The following SIRT5 variants were observed in gnomAD, a reference collection of about 807,000 sequenced individuals.
SIRT5 encodes the protein NAD-dependent protein deacylase sirtuin-5, mitochondrial.
Under a neutral mutation model 40.0 loss-of-function variants are expected in SIRT5, and 26 were observed. The ratio of observed to expected loss-of-function variants is 0.65; its 90% CI spans 0.48 to 0.90. SIRT5 has a LOEUF of 0.90. Among genes scored for constraint, SIRT5 ranks in the 40% least tolerant of loss-of-function variants. The probability of loss-of-function intolerance (pLI) is 0.00; values close to 1 mark genes in which losing one functional copy is unlikely to be tolerated. For missense variants in SIRT5, 401 were observed against 402.4 expected (o/e 1.00, Z 0.03); for synonymous variants, 146 against 149.1 (o/e 0.98, Z 0.15).
chr6:13,585,192 G>A (rs75450659), intron 3 of SIRT5: 1 of 152,026 alleles, frequency 6.6e-6, no homozygotes. Flanking sequence ...ATGGCGTGTT[G>A]TGACCGTCTT....
intron 9 of SIRT5, chr6:13,604,453 C>T: frequency 7.1e-7 from 1 of 1,412,486 alleles, no homozygotes; most frequent in Non-Finnish European, 1.0e-6. Context: ...CAGTTTGGTT[C>T]TTCTAATGTG....
chr6:13,586,568 C>T (rs1044743823), intron 3 of SIRT5, among the ~76,000 whole-genome samples: 3 of 152,170 alleles, frequency 2.0e-5, no homozygotes, highest in Admixed American at 2.0e-4. Context: ...GGTGTTATTT[C>T]TGAGGCCTCT....
chr6:13,582,050 T>G (rs1193107428), intron 2 of SIRT5, among the ~76,000 whole-genome samples: 2 of 152,150 alleles, frequency 1.3e-5, no homozygotes, highest in Non-Finnish European at 2.9e-5. Flanking sequence ...GCACAAATCC[T>G]CTAATCAGTC....
intron 3 of SIRT5, among the ~76,000 whole-genome samples, chr6:13,584,523 G>T (rs1759800897): frequency 2.0e-5 from 3 of 151,994 alleles, no homozygotes; most frequent in Admixed American, 2.0e-4. Flanking sequence ...GCTAATTTTT[G>T]TATTTTTAAT....
At chr6:13,585,895 C>G (rs1760008514) in intron 3 of SIRT5, among the ~76,000 whole-genome samples, 1 of 152,220 alleles carries the variant, frequency 6.6e-6, no homozygotes, top group Admixed American at 6.5e-5. Flanking sequence ...CACATCCTGT[C>G]CAGCACCTGT....
chr6:13,584,333 G>A (rs1223625652), intron 3 of SIRT5, 108 bp downstream of exon 3: 8 of 813,686 alleles, frequency 9.8e-6, no homozygotes, highest in Non-Finnish European at 1.7e-5. Context: ...GCAAGGTTTT[G>A]GAGAAAGCCA....
At chr6:13,588,789 A>G (rs1240843834) in intron 4 of SIRT5, among the ~76,000 whole-genome samples, 2 of 152,258 alleles carry the variant, frequency 1.3e-5, no homozygotes, top group Non-Finnish European at 1.5e-5. Flanking sequence ...GAACTCAAGT[A>G]TGACACATAA....
At position 13,581,455 on chromosome 6, in the gene SIRT5, G is replaced by A. The variant is rs74996446; in HGVS notation, c.-36+1846G>A. Among the ~76,000 whole-genome samples, 300 of 152,316 alleles carry A rather than the reference G, an allele frequency of 2.0e-3. 10 individuals carry two copies. In the East Asian group the frequency reaches 0.05, roughly 25 times the overall value. ...TTGCCCTTCTCATTGCATCATATGA[G>A]GAGGTAGGTGGAGTCGCCATGTCTT... On this transcript the variant is annotated intron_variant, in intron 2 of 9. Coordinates refer to ENST00000606117, the MANE Select transcript of SIRT5 (RefSeq NM_012241.5).
At chr6:13,598,923 T>C (rs1761985523) in intron 7 of SIRT5, 109 bp from the exon 8 acceptor site, 13 of 1,296,428 alleles carry the variant, frequency 1.0e-5, no homozygotes, top group Non-Finnish European at 1.3e-5. Flanking sequence ...ATAAGAGGCA[T>C]CAGAGGTGAC....
At position 13,599,120 on chromosome 6, in the gene SIRT5, G is replaced by A. The variant is rs202074148; in HGVS notation, c.706G>A (p.Asp236Asn). Residue 236 changes from aspartate to asparagine, a missense_variant, in exon 8 of 10, where the codon GAC (aspartate) becomes AAC (asparagine). Coordinates refer to ENST00000606117, the MANE Select transcript of SIRT5 (RefSeq NM_012241.5). ...GGATCCTGCCATTCTGGAGGAGGTTGACAGAGAGCTCGCCCACTGTGATTT... is the reference window on the plus strand; with the variant it reads ...GGATCCTGCCATTCTGGAGGAGGTTAACAGAGAGCTCGCCCACTGTGATTT... ...NLDPAILEEV[D>N]RELAHCDLCL... The A allele has an allele frequency of 9.9e-6, 16 of 1,613,992 alleles. No homozygotes were observed. Among genetic ancestry groups the A allele is most frequent in the Non-Finnish European group, 1.3e-5 (15 of 1,179,992 alleles).
intron 6 of SIRT5, among the ~76,000 whole-genome samples, chr6:13,595,921 A>T (rs911800800): frequency 1.3e-5 from 2 of 152,140 alleles, no homozygotes; most frequent in Non-Finnish European, 1.5e-5. Context: ...GAGCCTGGGA[A>T]GTCAAGGCTG....
intron 9 of SIRT5, among the ~76,000 whole-genome samples, chr6:13,606,408 G>A (rs1188215477): frequency 6.6e-6 from 1 of 152,136 alleles, no homozygotes; most frequent in Non-Finnish European, 1.5e-5. Flanking sequence ...GAGTTTTATA[G>A]ATTGTTGTGG....
intron 9 of SIRT5, among the ~76,000 whole-genome samples, chr6:13,611,205 G>GTA (rs1307103122): frequency 0.075 from 7,876 of 105,326 alleles, 309 homozygotes; most frequent in Non-Finnish European, 0.097. Flanking sequence ...ATGTGTGTGT[G>GTA]TGTATATATA....
At chr6:13,579,715 A>G (rs1759088111) in intron 2 of SIRT5, 106 bp downstream of exon 2, 1 of 152,238 alleles carries the variant, frequency 6.6e-6, no homozygotes, top group African/African-American at 2.4e-5. Flanking sequence ...CACAATTTTC[A>G]TGACATGCAA....
chr6:13,602,465 A>G (rs1584841650), intron 9 of SIRT5, among the ~76,000 whole-genome samples: 1 of 151,478 alleles, frequency 6.6e-6, no homozygotes, highest in African/African-American at 2.4e-5. Context: ...GTGCCATTGC[A>G]CTCCAGCCTG....
intron 9 of SIRT5, chr6:13,605,218 T>C (rs944593079): frequency 3.2e-6 from 3 of 950,474 alleles, no homozygotes; most frequent in Non-Finnish European, 3.8e-6. Flanking sequence ...CCACCACCTG[T>C]ATCTGTAAAT....
At chr6:13,603,134 G>A (rs1328655288) in intron 9 of SIRT5, among the ~76,000 whole-genome samples, 5 of 151,870 alleles carry the variant, frequency 3.3e-5, no homozygotes, top group Non-Finnish European at 5.9e-5. Context: ...AAAATTAGCC[G>A]GGCGTGGTGG....
intron 2 of SIRT5, among the ~76,000 whole-genome samples, chr6:13,582,554 T>TA (rs951821217): frequency 6.9e-6 from 1 of 145,026 alleles, no homozygotes; most frequent in African/African-American, 2.6e-5. Context: ...TTTTGACAGA[T>TA]ACAGTCATGT....
chr6:13,592,195 G>A (rs1180633601), intron 5 of SIRT5, among the ~76,000 whole-genome samples: 1 of 152,164 alleles, frequency 6.6e-6, no homozygotes, highest in East Asian at 1.9e-4. Flanking sequence ...TGTTAAAAAT[G>A]CAGAATCTCA....
Sources: allele counts gnomAD v4.1 joint callset (sites outside exome capture counted in the v4.1 genomes callset), GRCh38; gene constraint gnomAD v4.1.1; transcripts MANE v1.5; gene names NCBI Gene and HGNC (gene_info 2026-07-23, HGNC 2026-07-21).